Variants in RPSA2 observed in about 807,000 individuals in gnomAD.
RPSA2 encodes the protein ribosomal protein SA 2.
chr19:23,859,330 T>TA, the RPSA2 span, among the ~76,000 whole-genome samples: 2 of 152,232 alleles, frequency 1.3e-5, no homozygotes, highest in African/African-American at 2.4e-5. Flanking sequence ...ACATGTTATT[T>TA]AAAAAAATAT....
chr19:23,852,707 T>C, the RPSA2 span, among the ~76,000 whole-genome samples: 1 of 152,230 alleles, frequency 6.6e-6, no homozygotes, highest in African/African-American at 2.4e-5. Context: ...TATGGACATG[T>C]TATATTGCTG....
At chr19:23,805,746 T>C in the RPSA2 span, among the ~76,000 whole-genome samples, 3 of 152,222 alleles carry the variant, frequency 2.0e-5, no homozygotes, top group African/African-American at 7.2e-5. Context: ...GATTGCCATG[T>C]GCTTAGTATG....
the RPSA2 span, among the ~76,000 whole-genome samples, chr19:23,870,555 A>G: frequency 2.0e-5 from 3 of 152,194 alleles, no homozygotes; most frequent in Non-Finnish European, 4.4e-5. Flanking sequence ...AAATAAGCAA[A>G]CTCAAGAGTT....
the RPSA2 span, among the ~76,000 whole-genome samples, chr19:23,851,134 G>T: frequency 7.2e-5 from 11 of 152,318 alleles, no homozygotes; most frequent in Non-Finnish European, 1.5e-5. Context: ...GCCTGAAAAG[G>T]TGTCTACAGA....
chr19:23,835,585 C>G, the RPSA2 span, among the ~76,000 whole-genome samples: 1 of 149,462 alleles, frequency 6.7e-6, no homozygotes, highest in Admixed American at 6.8e-5. Flanking sequence ...CATGCTAGTC[C>G]CGTAATATTC....
chr19:23,827,592 C>A, the RPSA2 span: 1 of 1,587,016 alleles, frequency 6.3e-7, no homozygotes, highest in Non-Finnish European at 8.5e-7. Flanking sequence ...AACCTACCTA[C>A]CATTGCGCTG....
chr19:23,789,795 A>G, the RPSA2 span, among the ~76,000 whole-genome samples: 1 of 150,716 alleles, frequency 6.6e-6, no homozygotes, highest in African/African-American at 2.4e-5. Context: ...CTGCAGTCTC[A>G]GTCTCCTGAG....
the RPSA2 span, among the ~76,000 whole-genome samples, chr19:23,805,632 T>C: frequency 1.3e-5 from 2 of 152,020 alleles, no homozygotes; most frequent in African/African-American, 2.4e-5. Flanking sequence ...GTCCAGAAAA[T>C]GTCATCTGAG....
chr19:23,779,946 G>T, the RPSA2 span, among the ~76,000 whole-genome samples: 2 of 152,284 alleles, frequency 1.3e-5, no homozygotes, highest in African/African-American at 2.4e-5. Context: ...TCAGGGAAAA[G>T]AAATTACATA....
the RPSA2 span, among the ~76,000 whole-genome samples, chr19:23,865,351 C>T: frequency 1.1e-3 from 164 of 152,296 alleles, no homozygotes; most frequent in African/African-American, 3.7e-3. Flanking sequence ...GAGGTTATTA[C>T]ACATAACCCA....
At chr19:23,855,053 A>T in the RPSA2 span, among the ~76,000 whole-genome samples, 1 of 148,702 alleles carries the variant, frequency 6.7e-6, no homozygotes, top group Admixed American at 6.6e-5. Context: ...ACTCTATTTA[A>T]CAGTAGTAAA....
chr19:23,868,518 A>G, the RPSA2 span, among the ~76,000 whole-genome samples: 25,163 of 152,112 alleles, frequency 0.17, 2,908 homozygotes, highest in East Asian at 0.51. Flanking sequence ...AAACAAAAAA[A>G]AAGGGTGATT....
chr19:23,869,815 A>G, the RPSA2 span, among the ~76,000 whole-genome samples: 14 of 152,124 alleles, frequency 9.2e-5, no homozygotes, highest in Non-Finnish European at 1.9e-4. Flanking sequence ...ACTCTCTAAT[A>G]CCAGTACTGC....
At chr19:23,808,264 C>A in the RPSA2 span, among the ~76,000 whole-genome samples, 1 of 30,962 alleles carries the variant, frequency 3.2e-5, no homozygotes, top group Non-Finnish European at 6.7e-5. Flanking sequence ...TAAGAACCTA[C>A]AAAATTAATT....
At chr19:23,828,293 G>A in the RPSA2 span, among the ~76,000 whole-genome samples, 1 of 140,512 alleles carries the variant, frequency 7.1e-6, no homozygotes, top group African/African-American at 2.6e-5. Context: ...TTTGAATCAG[G>A]CACTTTAATG....
At chr19:23,790,731 G>C in the RPSA2 span, 1 of 453,094 alleles carries the variant, frequency 2.2e-6, no homozygotes, top group Middle Eastern at 3.4e-4. Flanking sequence ...AGGTACTGGA[G>C]ATCCACAGCA....
chr19:23,806,047 CT>C, the RPSA2 span, among the ~76,000 whole-genome samples: 2 of 126,380 alleles, frequency 1.6e-5, no homozygotes, highest in Non-Finnish European at 3.2e-5. Context: ...TTCTTTCTTT[CT>C]TTTTTTTTTT....
the RPSA2 span, among the ~76,000 whole-genome samples, chr19:23,831,071 T>C: frequency 6.6e-6 from 1 of 152,180 alleles, no homozygotes; most frequent in African/African-American, 2.4e-5. Flanking sequence ...ACCTGTTCCT[T>C]TTCTGTGGTA....
At chr19:23,844,702 T>TATAATG in the RPSA2 span, among the ~76,000 whole-genome samples, 95,358 of 150,952 alleles carry the variant, frequency 0.63, 30,607 homozygotes, top group East Asian at 0.8. Context: ...TCCATTTTTT[T>TATAATG]ATAATATAAT....
Sources: allele counts gnomAD v4.1 joint callset (sites outside exome capture counted in the v4.1 genomes callset), GRCh38; gene constraint gnomAD v4.1.1; transcripts MANE v1.5; gene names NCBI Gene and HGNC (gene_info 2026-07-23, HGNC 2026-07-21).